The following HSPA8 variants were observed in gnomAD, a reference collection of about 807,000 sequenced individuals.
The protein encoded by HSPA8 is heat shock protein family A (Hsp70) member 8, also known as heat shock cognate 71 kDa protein.
In HSPA8, 2 loss-of-function variants were observed where a neutral mutation model predicts 52.8. The ratio of observed to expected loss-of-function variants is 0.04; its 90% CI spans 0.02 to 0.12. HSPA8 has a LOEUF of 0.12. Among genes scored for constraint, HSPA8 ranks in the 10% least tolerant of loss-of-function variants. HSPA8 has a pLI of 1.00. For synonymous variants in HSPA8, 436 were observed against 274.0 expected, an observed-to-expected ratio of 1.59 and a Z score of -5.84; for missense variants, 349 against 800.5, an observed-to-expected ratio of 0.44 and a Z score of 6.81.
chr11:123,059,837 G>A lies in HSPA8; in HGVS notation c.756C>T (p.Asp252=), dbSNP rs369763812. 9.3e-6 allele frequency: 15 copies of A among 1,613,474 alleles called. No individual in the cohort carries two copies. In the Admixed American group the frequency reaches 1.3e-4, roughly 14 times the overall value. ...IAEFKRKHKK[D]ISENKRAVRR... ...TTACAGCTCTCTTGTTCTCACTGATGTCCTTCTTATGCTTGCGCTTAAACT... is the reference window on the plus strand; with the variant it reads ...TTACAGCTCTCTTGTTCTCACTGATATCCTTCTTATGCTTGCGCTTAAACT... The change falls in exon 5 of 9, where the codon GAC becomes GAT. Residue 252 remains aspartate (D), a synonymous_variant. Coordinates refer to ENST00000534624, the MANE Select transcript of HSPA8 (RefSeq NM_006597.6).
chr11:123,059,270 CAA>C lies in HSPA8; in HGVS notation c.1121-11_1121-10del, dbSNP rs1462198094. 2.5e-6 allele frequency: 4 copies of C among 1,609,438 alleles called. No homozygotes were observed. The highest frequency in any genetic ancestry group is 3.4e-6 in the Non-Finnish European group (4 of 1,177,436). On this transcript the variant is annotated splice_polypyrimidine_tract_variant and intron_variant, in intron 5 of 8. Transcript: ENST00000534624. ...GATGGCTGCCTGGACAGCTAGCAAACAAAAAGTTAACGTTAAAAGAAGTTAAA... is the reference window on the plus strand; with the variant it reads ...GATGGCTGCCTGGACAGCTAGCAAACAAAGTTAACGTTAAAAGAAGTTAAA...
At chr11:123,061,493 G>C (rs545918223) in intron 1 of HSPA8, 164 bp from the exon 2 acceptor site, 5 of 626,954 alleles carry the variant, frequency 8.0e-6, no homozygotes, top group Admixed American at 2.8e-5. Flanking sequence ...TAGTGCTGCA[G>C]TCCAGGTTGC....
In HSPA8 at chr11:123,057,566, A is replaced by T. The variant is rs1425090856; in HGVS notation, c.*168T>A. On this transcript the variant is annotated 3_prime_UTR_variant, in exon 9 of 9. Coordinates refer to ENST00000534624, the MANE Select transcript of HSPA8 (RefSeq NM_006597.6). ...TACAATACAGTGTTTATAAAGTGCAATGTTATTTCCTTCCCCTGTGCATAT... is the reference window on the plus strand; with the variant it reads ...TACAATACAGTGTTTATAAAGTGCATTGTTATTTCCTTCCCCTGTGCATAT... 2 of 557,940 alleles carry T rather than the reference A, an allele frequency of 3.6e-6. No individual in the cohort carries two copies. The highest frequency in any genetic ancestry group is 1.9e-5 in the African/African-American group (1 of 51,512). The allele number at this position is 557,940 out of a possible 1,614,324, so 34.6% of individuals were successfully genotyped here. A position where few individuals can be genotyped will look rare whatever the true frequency, so the allele number is the denominator to read the frequency against.
intron 3 of HSPA8, 89 bp downstream of exon 3, chr11:123,060,504 C>T: frequency 1.9e-6 from 2 of 1,068,476 alleles, no homozygotes; most frequent in Non-Finnish European, 2.9e-6. Context: ...CCCATCTGTT[C>T]CCCTCCCTCG....
Position 123,059,875 on chromosome 11 carries a change from G to A in HSPA8, c.718C>T (p.His240Tyr). The A allele has an allele frequency of 1.9e-6, 3 of 1,613,374 alleles. No homozygotes were observed. The highest frequency in any genetic ancestry group is 2.5e-6 in the Non-Finnish European group (3 of 1,179,902). ...TTGCGCTTAAACTCAGCAATAAAAT[G>A]GTTGACCATTCGGTTGTCAAAATCT... The part of the protein sequence containing the change: ...GEDFDNRMVN[H>Y]FIAEFKRKHK... The change falls in exon 5 of 9, where the codon CAT becomes TAT. Residue 240 changes from histidine (H) to tyrosine (Y), a missense_variant. Coordinates refer to ENST00000534624, the MANE Select transcript of HSPA8 (RefSeq NM_006597.6).
chr11:123,059,422 A>G, intron 5 of HSPA8, 51 bp downstream of exon 5: 19 of 1,501,370 alleles, frequency 1.3e-5, no homozygotes, highest in Non-Finnish European at 1.6e-5. Context: ...CATCACAGCG[A>G]GTCACCTTGG....
At chr11:123,062,013 G>C (rs1389714225) in intron 1 of HSPA8, 51 bp downstream of exon 1, 1 of 153,636 alleles carries the variant, frequency 6.5e-6, no homozygotes, top group Non-Finnish European at 1.4e-5. Context: ...GGCCTGTGTG[G>C]AGGCTGCACG....
chr11:123,059,265 GCAAA>G lies in HSPA8; in HGVS notation c.1121-8_1121-5del, dbSNP rs1565367676. ...GACAAGATGGCTGCCTGGACAGCTA[GCAAA>G]CAAAAAGTTAACGTTAAAAGAAGTT... On this transcript the variant is annotated splice_polypyrimidine_tract_variant and splice_region_variant and intron_variant, in intron 5 of 8. Transcript: ENST00000534624. 1.2e-6 allele frequency: 2 copies of G among 1,610,640 alleles called. No homozygotes were observed. The highest frequency in any genetic ancestry group is 2.2e-5 in the East Asian group (1 of 44,866).
Position 123,058,560 on chromosome 11 carries a change from C to T in HSPA8, c.1522+72G>A, listed in dbSNP as rs757169650. ...GTAACTCTAGTTTCTCTTAGCTAGA[C>T]GCCCTTAGGCACCAGTAACTCAATT... On this transcript the variant is annotated intron_variant, in intron 7 of 8. Coordinates refer to ENST00000534624, the MANE Select transcript of HSPA8 (RefSeq NM_006597.6). The T allele has an allele frequency of 2.5e-4, 386 of 1,560,344 alleles. 1 individual carries two copies. The Middle Eastern group carries it at 4.0e-3, about 16-fold the overall frequency.
intron 2 of HSPA8, 66 bp from the exon 3 acceptor site, chr11:123,060,864 G>A (rs1565369393): frequency 7.0e-7 from 1 of 1,422,250 alleles, no homozygotes; most frequent in Non-Finnish European, 9.9e-7. Context: ...TCAAGTCCAT[G>A]ATTACTCAAA....
At position 123,057,930 on chromosome 11, in the gene HSPA8, G is replaced by A. The variant is rs781668860; in HGVS notation, c.1756-11C>T. ...TTCCTTCTCAGCAGTCTGAGGAAGAGAAAAAGGAATTACTGCAAGTTCTTT... is the reference window on the plus strand; with the variant it reads ...TTCCTTCTCAGCAGTCTGAGGAAGAAAAAAAGGAATTACTGCAAGTTCTTT... On this transcript the variant is annotated splice_polypyrimidine_tract_variant and intron_variant, in intron 8 of 8. Transcript: ENST00000534624. The A allele has an allele frequency of 9.5e-6, 15 of 1,578,426 alleles. No individual in the cohort carries two copies. The highest frequency in any genetic ancestry group is 5.8e-5 in the Admixed American group (3 of 52,008).
chr11:123,057,583 T>G lies in HSPA8; in HGVS notation c.*151A>C, dbSNP rs1865342269. 5 of 576,798 alleles carry G rather than the reference T, an allele frequency of 8.7e-6. No homozygotes were observed. In the Admixed American group the frequency reaches 1.0e-4, roughly 12 times the overall value. 35.7% of individuals were successfully genotyped at this position (576,798 alleles called of 1,614,324 possible). A position where few individuals can be genotyped will look rare whatever the true frequency, so the allele number is the denominator to read the frequency against. On this transcript the variant is annotated 3_prime_UTR_variant, in exon 9 of 9. Transcript: ENST00000534624. ...AAAGTGCAATGTTATTTCCTTCCCCTGTGCATATGTTCCATATTCAAGTAT... is the reference window on the plus strand; with the variant it reads ...AAAGTGCAATGTTATTTCCTTCCCCGGTGCATATGTTCCATATTCAAGTAT...
chr11:123,058,873 C>T, intron 6 of HSPA8, 43 bp from the exon 7 acceptor site: 2 of 1,570,886 alleles, frequency 1.3e-6, no homozygotes, highest in Non-Finnish European at 1.8e-6. Flanking sequence ...GACTCCAGGT[C>T]TGTGACAGTG....
chr11:123,059,285 A>G, intron 5 of HSPA8, 24 bp from the exon 6 acceptor site: 1 of 1,582,712 alleles, frequency 6.3e-7, no homozygotes, highest in African/African-American at 1.3e-5. Flanking sequence ...AGTTAACGTT[A>G]AAAGAAGTTA....
intron 5 of HSPA8, 98 bp downstream of exon 5, chr11:123,059,375 A>C: frequency 7.2e-7 from 1 of 1,393,064 alleles, no homozygotes; most frequent in Non-Finnish European, 1.0e-6. Flanking sequence ...TCATTAGCCA[A>C]GCTTTTGGTG....
Position 123,061,331 on chromosome 11 carries a change from T to TG in HSPA8, c.-5-3dup. 1.2e-6 allele frequency: 2 copies of TG among 1,608,286 alleles called. No individual in the cohort carries two copies. The highest frequency in any genetic ancestry group is 1.7e-6 in the Non-Finnish European group (2 of 1,176,570). On this transcript the variant is annotated splice_region_variant and splice_polypyrimidine_tract_variant and intron_variant, in intron 1 of 8. Transcript: ENST00000534624. The stretch of plus-strand genomic sequence containing the variant: ...CTGCAGGTCCCTTGGACATGGTTGC[T>TG]GAAAAAAAGAAAAATCTGGTTTAAA...
chr11:123,059,436 T>A lies in HSPA8; in HGVS notation c.1120+37A>T, dbSNP rs375764038. 6 of 1,561,022 alleles carry A rather than the reference T, an allele frequency of 3.8e-6. No homozygotes were observed. In the African/African-American group the frequency reaches 6.8e-5, roughly 18 times the overall value. On this transcript the variant is annotated intron_variant, in intron 5 of 8. Coordinates refer to ENST00000534624, the MANE Select transcript of HSPA8 (RefSeq NM_006597.6). ...TCATCACAGCGAGTCACCTTGGGCC[T>A]GCCTGCCTTTAGGGTTAATTGAGAT...
Position 123,060,762 on chromosome 11 carries a change from G to T in HSPA8, c.242C>A (p.Ala81Asp). Residue 81 changes from alanine (A) to aspartate (D), a missense_variant, in exon 3 of 9, where the codon GCT becomes GAT. By Grantham distance (126) the Ala-to-Asp change is moderately radical (BLOSUM62 -2). Coordinates refer to ENST00000534624, the MANE Select transcript of HSPA8 (RefSeq NM_006597.6). ...KRLIGRRFDD[A>D]VVQSDMKHWP... ...ATGTTTCATATCAGACTGGACAACAGCATCATCAAATCTGCGTCCAATCAG... is the reference window on the plus strand; with the variant it reads ...ATGTTTCATATCAGACTGGACAACATCATCATCAAATCTGCGTCCAATCAG... 6.2e-7 allele frequency: 1 copy of T among 1,613,976 alleles called. No individual in the cohort carries two copies. Among genetic ancestry groups the T allele is most frequent in the Non-Finnish European group, 8.5e-7 (1 of 1,180,000 alleles).
chr11:123,061,470 C>G lies in HSPA8; in HGVS notation c.-5-141G>C, dbSNP rs11823704. ...CCATCACCTCCTGTCTAAGCACGCG[C>G]GAGGTCCAGAACTAGTGCTGCAGTC... On this transcript the variant is annotated intron_variant, in intron 1 of 8. Coordinates refer to ENST00000534624, the MANE Select transcript of HSPA8 (RefSeq NM_006597.6). 7.4e-6 allele frequency: 5 copies of G among 678,870 alleles called. No individual in the cohort carries two copies. In the East Asian group the frequency reaches 1.4e-4, roughly 18 times the overall value. 42.1% of individuals were successfully genotyped at this position (678,870 alleles called of 1,614,324 possible). A position where few individuals can be genotyped will look rare whatever the true frequency, so the allele number is the denominator to read the frequency against.
Sources: gnomAD v4.1 joint callset for allele counts on GRCh38, gnomAD v4.1.1 for gene constraint, MANE v1.5 for transcripts, NCBI Gene and HGNC (gene_info 2026-07-23, HGNC 2026-07-21) for gene names.